HID1: variants seen among roughly 807,000 people sequenced by gnomAD.
HID1 encodes HID1 domain containing, also known as protein HID1.
HID1 carries 42 observed loss-of-function variants against 89.7 expected under a neutral mutation model. The observed-to-expected ratio is 0.47, with a 90% CI of 0.37 to 0.61. The LOEUF is 0.61. HID1 is among the 20% of genes least tolerant of loss of function. The probability of loss-of-function intolerance (pLI) is 0.00; values close to 1 mark genes in which losing one functional copy is unlikely to be tolerated. For synonymous variants in HID1, 442 were observed against 433.8 expected (o/e 1.02, Z -0.24); for missense variants, 854 against 1,039.3 (o/e 0.82, Z 2.45).
At chr17:74,967,267 G>A (rs751398847) in intron 1 of HID1, among the ~76,000 whole-genome samples, 19 of 151,712 alleles carry the variant, frequency 1.3e-4, no homozygotes, top group East Asian at 5.8e-4. Context: ...TAGGCCAGGC[G>A]CGGTGGCTCA....
rs749588932 is a variant in HID1 at position 74,955,773 on chromosome 17, C to T, written c.1636+19G>A. 6.2e-7 allele frequency: 1 copy of T among 1,612,548 alleles called. No individual in the cohort carries two copies. Among genetic ancestry groups the T allele is most frequent in the South Asian group, 1.1e-5 (1 of 90,892 alleles). ...CCGCTGGCCACCCTGACCACCAGGG[C>T]CTCAGGCTGGTGCCTCACCATCAAA... On this transcript the variant is annotated intron_variant, in intron 13 of 18. Transcript: ENST00000425042.
intron 13 of HID1, chr17:74,954,725 T>C: frequency 3.3e-6 from 1 of 299,264 alleles, no homozygotes; most frequent in Non-Finnish European, 6.4e-6. Flanking sequence ...TCTTCCCACC[T>C]CCCCTCGAGC....
At chr17:74,952,898 C>A in intron 16 of HID1, 108 bp downstream of exon 16, 1 of 807,266 alleles carries the variant, frequency 1.2e-6, no homozygotes, top group Admixed American at 2.8e-5. Flanking sequence ...GACATCTTGC[C>A]ATCTTCACTG....
At chr17:74,956,924 C>T (rs1167613177) in intron 12 of HID1, among the ~76,000 whole-genome samples, 1 of 152,238 alleles carries the variant, frequency 6.6e-6, no homozygotes, top group Non-Finnish European at 1.5e-5. Flanking sequence ...CATCCCCATA[C>T]ACTGTGACTC....
rs1742835049 is a variant in HID1 at position 74,962,223 on chromosome 17, G to A, written c.611+11C>T. On this transcript the variant is annotated intron_variant, in intron 5 of 18. Transcript: ENST00000425042. This position sits in a 1 kb window ranked among gnomAD's most constrained non-coding sequence, Gnocchi z 4.3. ...GCTGCATTGAGGGCTCCGGGCCTGG[G>A]CGAAGCTCACCGGTTCATATCGTGG... is the stretch of plus-strand genomic sequence containing the variant. 1 of 1,596,810 alleles carries A rather than the reference G, an allele frequency of 6.3e-7. No individual in the cohort carries two copies.
rs559047688 is a variant in HID1, at chr17:74,965,800, C to T, written c.67-1168G>A. The stretch of plus-strand genomic sequence containing the variant: ...GGCGTGGTGGCAGGCGCCTGTAATC[C>T]CAGCTACTCGGGAAGCTGAGGCTGG... On this transcript the variant is annotated intron_variant, in intron 1 of 18. Coordinates refer to ENST00000425042, the MANE Select transcript of HID1 (RefSeq NM_030630.3). Among the ~76,000 whole-genome samples, 139 of 151,872 alleles carry T rather than the reference C, an allele frequency of 9.2e-4. 2 individuals carry two copies. Among genetic ancestry groups the T allele is most frequent in the African/African-American group, 3.3e-3 (137 of 41,382 alleles).
chr17:74,960,368 G>T (rs1174247890), intron 6 of HID1, 120 bp from the exon 7 acceptor site: 3 of 818,760 alleles, frequency 3.7e-6, no homozygotes, highest in Non-Finnish European at 5.7e-6. Context: ...ACCACGTCAG[G>T]GAGTGGCTTG....
rs893539805 is a variant in HID1, at chr17:74,972,069, C to A, written c.66+522G>T. 6.6e-6 allele frequency among the ~76,000 whole-genome samples: 1 copy of A among 152,198 alleles called. No homozygotes were observed. Among genetic ancestry groups the A allele is most frequent in the Non-Finnish European group, 1.5e-5 (1 of 68,030 alleles). ...CCCAGGAAGACCTGGGCCTTCCCTG[C>A]CCACGGGCATCGACCAGGGCCCAGC... On this transcript the variant is annotated intron_variant, in intron 1 of 18. Transcript: ENST00000425042. The surrounding 1 kb of genome is among the most constrained non-coding windows in gnomAD (Gnocchi z 6.4).
In HID1 at chr17:74,951,476, C is replaced by G. The variant is rs1486929863; in HGVS notation, c.*94G>C. 9 of 1,227,714 alleles carry G rather than the reference C, an allele frequency of 7.3e-6. No individual in the cohort carries two copies. The highest frequency in any genetic ancestry group is 1.1e-5 in the Non-Finnish European group (9 of 851,580). 76.1% of individuals were successfully genotyped at this position (1,227,714 alleles called of 1,614,324 possible). A position where few individuals can be genotyped will look rare whatever the true frequency, so the allele number is the denominator to read the frequency against. Reference sequence around the variant, plus strand: ...CACTCTGCCTGTTCCAGGCCCTGATCGTGGTAATTTAAAGCTCAGAATGGT... The same window carrying G: ...CACTCTGCCTGTTCCAGGCCCTGATGGTGGTAATTTAAAGCTCAGAATGGT... On this transcript the variant is annotated 3_prime_UTR_variant, in exon 19 of 19. Coordinates refer to ENST00000425042, the MANE Select transcript of HID1 (RefSeq NM_030630.3).
Position 74,963,794 on chromosome 17 carries a change from G to A in HID1, c.333C>T (p.Asp111=), listed in dbSNP as rs752169291. The A allele has an allele frequency of 3.1e-6, 5 of 1,614,070 alleles. No individual in the cohort carries two copies. Among genetic ancestry groups the A allele is most frequent in the Non-Finnish European group, 4.2e-6 (5 of 1,179,992 alleles). Residue 111 remains aspartate, a synonymous_variant, in exon 3 of 19, where the codon GAC becomes GAT. Transcript: ENST00000425042. ...ACCAGAAGAAGCCCCTCCAGTCGGG[G>A]TCCTCAAAGATGTAGGGCAGCACGC... ...LTRVLPYIFE[D]PDWRGFFWST... is the part of the protein sequence containing the mutation.
chr17:74,951,498 TG>T lies in HID1; in HGVS notation c.*71del. On this transcript the variant is annotated 3_prime_UTR_variant, in exon 19 of 19. Coordinates refer to ENST00000425042, the MANE Select transcript of HID1 (RefSeq NM_030630.3). ...GATCGTGGTAATTTAAAGCTCAGAA[TG>T]GTGGATGGGGGAAGCCTCAGGGACC... 7.1e-7 allele frequency: 1 copy of T among 1,417,410 alleles called. No homozygotes were observed. The highest frequency in any genetic ancestry group is 1.9e-5 in the Admixed American group (1 of 51,748). 87.8% of individuals were successfully genotyped at this position (1,417,410 alleles called of 1,614,324 possible). A position where few individuals can be genotyped will look rare whatever the true frequency, so the allele number is the denominator to read the frequency against.
chr17:74,968,304 A>C (rs886894000), intron 1 of HID1, among the ~76,000 whole-genome samples: 1 of 150,650 alleles, frequency 6.6e-6, no homozygotes, highest in Non-Finnish European at 1.5e-5. Context: ...GGCATATGGC[A>C]GATATTCAGC....
At position 74,958,530 on chromosome 17, in the gene HID1, G is replaced by A. The variant is rs1189503641; in HGVS notation, c.1241-52C>T. On this transcript the variant is annotated intron_variant, in intron 10 of 18. Transcript: ENST00000425042. This position sits in a 1 kb window ranked among gnomAD's most constrained non-coding sequence, Gnocchi z 5.2. ...ACTCGGGTGGGAGGGGGAAGGAGGG[G>A]CCCAGGCAGTGACCATTTTGGAGGC... 2 of 1,573,584 alleles carry A rather than the reference G, an allele frequency of 1.3e-6. No homozygotes were observed. Among genetic ancestry groups the A allele is most frequent in the Admixed American group, 3.7e-5 (2 of 53,738 alleles).
intron 15 of HID1, 75 bp downstream of exon 15, chr17:74,953,470 C>A (rs981031513): frequency 1.7e-5 from 21 of 1,269,160 alleles, no homozygotes; most frequent in Middle Eastern, 2.5e-4. Context: ...GTGCCCCGGC[C>A]CAGCCCCTAC....
chr17:74,953,419 G>A (rs2039337220), intron 15 of HID1, 126 bp downstream of exon 15: 1 of 721,126 alleles, frequency 1.4e-6, no homozygotes, highest in African/African-American at 1.8e-5. Flanking sequence ...CTAATGCCCT[G>A]GGCACTGGGT....
chr17:74,966,892 C>T (rs1025627486), intron 1 of HID1, among the ~76,000 whole-genome samples: 1 of 152,160 alleles, frequency 6.6e-6, no homozygotes. Context: ...CTGCAGTAAG[C>T]TGTGATGGCA....
Position 74,972,721 on chromosome 17 carries a change from G to GGCTCCA in HID1, c.-71_-66dup, listed in dbSNP as rs2039670184. ...CCAACCCGGCTCCGGCTTCAGCTCCGGCTCCAGCTCCGCGGCCCCCGCGGC... is the reference window on the plus strand; with the variant it reads ...CCAACCCGGCTCCGGCTTCAGCTCCGGCTCCAGCTCCAGCTCCGCGGCCCCCGCGGC... On this transcript the variant is annotated 5_prime_UTR_variant, in exon 1 of 19. Coordinates refer to ENST00000425042, the MANE Select transcript of HID1 (RefSeq NM_030630.3). The surrounding 1 kb of genome is among the most constrained non-coding windows in gnomAD (Gnocchi z 6.4). 3.5e-6 allele frequency: 5 copies of GGCTCCA among 1,432,748 alleles called. No individual in the cohort carries two copies. Among genetic ancestry groups the GGCTCCA allele is most frequent in the South Asian group, 1.3e-5 (1 of 75,952 alleles). The allele number at this position is 1,432,748 out of a possible 1,614,324, so 88.8% of individuals were successfully genotyped here. A position where few individuals can be genotyped will look rare whatever the true frequency, so the allele number is the denominator to read the frequency against.
At chr17:74,963,188 A>G (rs897480452) in intron 3 of HID1, 107 bp from the exon 4 acceptor site, 8 of 744,702 alleles carry the variant, frequency 1.1e-5, no homozygotes, top group African/African-American at 1.8e-5. Flanking sequence ...GCGGGCACCC[A>G]TGGGCAGAGG....
intron 1 of HID1, among the ~76,000 whole-genome samples, chr17:74,969,881 A>G (rs970315337): frequency 2.7e-5 from 4 of 150,776 alleles, no homozygotes; most frequent in Non-Finnish European, 5.9e-5. Flanking sequence ...GATTACAGCC[A>G]TGAGCCACCA....
Sources: gnomAD v4.1 joint callset for allele counts (sites outside exome capture counted in the v4.1 genomes callset) on GRCh38, gnomAD v4.1.1 for gene constraint, Gnocchi (gnomAD v3.1) non-coding constraint, MANE v1.5 for transcripts, NCBI Gene and HGNC (gene_info 2026-07-23, HGNC 2026-07-21) for gene names.